CCDC102B: variants seen among roughly 807,000 people sequenced by gnomAD.
CCDC102B encodes the protein coiled-coil domain-containing protein 102B.
CCDC102B carries 75 observed loss-of-function variants against 57.4 expected under a neutral mutation model. The observed-to-expected ratio is 1.31, with a 90% CI of 1.08 to 1.58. The LOEUF (loss-of-function observed/expected upper bound fraction) is 1.58. Ranked by LOEUF, CCDC102B falls within the 40% of genes most tolerant of loss-of-function variation. The pLI is 0.00. For missense variants in CCDC102B, 636 were observed against 582.6 expected (o/e 1.09, Z -0.94); for synonymous variants, 206 against 201.9 (o/e 1.02, Z -0.17).
At chr18:69,036,314 A>G (rs562713787) in intron 7 of CCDC102B, among the ~76,000 whole-genome samples, 1 of 151,986 alleles carries the variant, frequency 6.6e-6, no homozygotes, top group African/African-American at 2.4e-5. Context: ...AATCCTTGTT[A>G]TATTATCCGT....
intron 2 of CCDC102B, among the ~76,000 whole-genome samples, chr18:68,776,230 A>G (rs2034810700): frequency 6.6e-6 from 1 of 152,168 alleles, no homozygotes; most frequent in Non-Finnish European, 1.5e-5. Context: ...CTTATTAACC[A>G]TTTCCAATTA....
chr18:68,982,749 A>C (rs2050624590), intron 6 of CCDC102B, among the ~76,000 whole-genome samples: 1 of 151,908 alleles, frequency 6.6e-6, no homozygotes, highest in Admixed American at 6.6e-5. Flanking sequence ...TAGAATATGT[A>C]TCTTTTCTTC....
chr18:68,761,962 T>A (rs182062104), intron 2 of CCDC102B, among the ~76,000 whole-genome samples: 18 of 152,228 alleles, frequency 1.2e-4, no homozygotes, highest in Non-Finnish European at 2.2e-4. Flanking sequence ...ATCTTGGCGC[T>A]AGTTTGTAAG....
chr18:68,945,477 A>C (rs2049513373), intron 6 of CCDC102B, among the ~76,000 whole-genome samples: 1 of 152,156 alleles, frequency 6.6e-6, no homozygotes, highest in Admixed American at 6.6e-5. Context: ...ATATAAAAAT[A>C]GGTTCTTACT....
chr18:68,843,275 T>TTA lies in CCDC102B; in HGVS notation c.828-3036_828-3035dup, dbSNP rs1393897341. 2.6e-5 allele frequency among the ~76,000 whole-genome samples: 4 copies of TTA among 152,332 alleles called. No homozygotes were observed. In the East Asian group the frequency reaches 7.7e-4, roughly 29 times the overall value. ...TGTTATAAAAATGAATAACTGCATG[T>TTA]TATTACAAGATAATCATTTGATTTG... On this transcript the variant is annotated intron_variant, in intron 3 of 7. Coordinates refer to ENST00000360242, the MANE Select transcript of CCDC102B (RefSeq NM_024781.3).
chr18:68,818,115 CA>C (rs1195622408), intron 1 of CCDC102B, among the ~76,000 whole-genome samples: 2 of 152,016 alleles, frequency 1.3e-5, no homozygotes, highest in Non-Finnish European at 2.9e-5. Flanking sequence ...TGAGTTTGTG[CA>C]AAGTATTTTC....
intron 2 of CCDC102B, among the ~76,000 whole-genome samples, chr18:68,719,529 A>G (rs2032209806): frequency 6.6e-6 from 1 of 152,112 alleles, no homozygotes; most frequent in East Asian, 1.9e-4. Context: ...TCAAACACAG[A>G]CAGTGAATTT....
chr18:68,935,914 T>G (rs2049224395), intron 6 of CCDC102B, among the ~76,000 whole-genome samples: 2 of 151,906 alleles, frequency 1.3e-5, no homozygotes, highest in South Asian at 2.1e-4. Context: ...CCTCCTCATG[T>G]TCATGCCCCT....
At chr18:68,975,336 T>C (rs1466106457) in intron 6 of CCDC102B, among the ~76,000 whole-genome samples, 3 of 151,970 alleles carry the variant, frequency 2.0e-5, no homozygotes, top group Non-Finnish European at 4.4e-5. Context: ...TTTAATTCAT[T>C]ATTTTTGTCT....
intron 4 of CCDC102B, chr18:68,858,804 C>A (rs190897408): frequency 6.6e-6 from 1 of 152,132 alleles, no homozygotes; most frequent in Non-Finnish European, 1.5e-5. Context: ...AAGGAGATGG[C>A]TTTCAGATCT....
intron 4 of CCDC102B, among the ~76,000 whole-genome samples, chr18:68,864,900 G>T (rs555389021): frequency 1.3e-5 from 2 of 151,934 alleles, no homozygotes; most frequent in East Asian, 3.9e-4. Context: ...AAAATGCCTG[G>T]CTCTGCCCCA....
intron 6 of CCDC102B, among the ~76,000 whole-genome samples, chr18:68,950,405 A>AT (rs1335890949): frequency 2.0e-5 from 3 of 152,076 alleles, no homozygotes; most frequent in African/African-American, 7.2e-5. Flanking sequence ...TACCCAGGAG[A>AT]TTTTATCTTA....
At chr18:68,769,357 C>T (rs1382794255) in intron 2 of CCDC102B, among the ~76,000 whole-genome samples, 1 of 152,092 alleles carries the variant, frequency 6.6e-6, no homozygotes, top group Non-Finnish European at 1.5e-5. Context: ...AGGAAGGCTT[C>T]ACCTACTTGA....
chr18:68,890,511 G>A (rs149987460), intron 5 of CCDC102B, among the ~76,000 whole-genome samples: 58 of 152,246 alleles, frequency 3.8e-4, no homozygotes, highest in Non-Finnish European at 6.2e-4. Context: ...AGACTTGGGC[G>A]ACCACACCCT....
At chr18:68,911,729 G>A (rs1382064287) in intron 6 of CCDC102B, among the ~76,000 whole-genome samples, 11 of 101,746 alleles carry the variant, frequency 1.1e-4, no homozygotes, top group African/African-American at 2.2e-4. Flanking sequence ...TCCAGCCTGG[G>A]CGACAGAGCG....
intron 2 of CCDC102B, among the ~76,000 whole-genome samples, chr18:68,737,825 C>G (rs2033213544): frequency 6.6e-6 from 1 of 151,830 alleles, no homozygotes; most frequent in South Asian, 2.1e-4. Flanking sequence ...GCAGTAATAA[C>G]TTTAAGTTTA....
chr18:68,836,828 C>A lies in CCDC102B; in HGVS notation c.65C>A (p.Ser22Ter). The change falls in exon 2 of 8, where the codon TCA becomes TAA. Residue 22 changes from serine (S) to a stop codon, truncating the protein, a stop_gained. Coordinates refer to ENST00000360242, the MANE Select transcript of CCDC102B (RefSeq NM_024781.3). LOFTEE classifies it high-confidence loss of function. ...CAGATCTTCCAGATGCAACAATCAT[C>A]AATTAAGTCACGCGGCGACATGGTG... ...ETQIFQMQQS[S>*]IKSRGDMVAP... 1.9e-6 allele frequency: 3 copies of A among 1,613,926 alleles called. No individual in the cohort carries two copies. The highest frequency in any genetic ancestry group is 2.5e-6 in the Non-Finnish European group (3 of 1,179,914).
chr18:69,049,384 T>C (rs1335002550), intron 7 of CCDC102B, among the ~76,000 whole-genome samples: 1 of 152,132 alleles, frequency 6.6e-6, no homozygotes, highest in Non-Finnish European at 1.5e-5. Context: ...CCTTTTTTTT[T>C]CTTAACATGC....
At chr18:68,771,191 T>G (rs1237935423) in intron 2 of CCDC102B, among the ~76,000 whole-genome samples, 2 of 152,166 alleles carry the variant, frequency 1.3e-5, no homozygotes, top group East Asian at 3.9e-4. Context: ...AGGTAAATGG[T>G]CCTGCAGGCA....
Sources: gnomAD v4.1 joint callset for allele counts (sites outside exome capture counted in the v4.1 genomes callset) on GRCh38, gnomAD v4.1.1 for gene constraint, MANE v1.5 for transcripts, NCBI Gene and HGNC (gene_info 2026-07-23, HGNC 2026-07-21) for gene names.